DENND2A: variants seen among roughly 807,000 people sequenced by gnomAD.
DENND2A encodes DENN domain-containing protein 2A.
A neutral mutation model predicts 105.3 loss-of-function variants in DENND2A; 53 were observed. That is an observed-to-expected ratio of 0.50 (90% CI 0.40 to 0.63). DENND2A has a LOEUF of 0.63. Ranked by LOEUF, DENND2A falls within the 30% of genes least tolerant of loss-of-function variation. The pLI, the probability that DENND2A is intolerant of heterozygous loss-of-function variation, is 0.00. For missense variants in DENND2A, 1,138 were observed against 1,279.6 expected, an observed-to-expected ratio of 0.89 and a Z score of 1.69; for synonymous variants, 522 against 508.4, an observed-to-expected ratio of 1.03 and a Z score of -0.36.
chr7:140,586,366 A>AACAC (rs10524571), intron 4 of DENND2A, among the ~76,000 whole-genome samples: 1,549 of 139,602 alleles, frequency 0.011, 14 homozygotes, highest in East Asian at 0.023. Context: ...TAAAAAAGAA[A>AACAC]ACACACACAC....
intron 14 of DENND2A, among the ~76,000 whole-genome samples, chr7:140,529,090 G>A (rs1052274235): frequency 1.3e-4 from 20 of 152,320 alleles, no homozygotes; most frequent in African/African-American, 4.3e-4. Context: ...GGGTGACAGA[G>A]TGAGGCACTG....
intron 1 of DENND2A, among the ~76,000 whole-genome samples, chr7:140,623,511 C>T (rs544994500): frequency 1.3e-5 from 2 of 151,208 alleles, no homozygotes; most frequent in South Asian, 4.2e-4. Flanking sequence ...GGGCAGATTA[C>T]GAGGTCAGGA....
At position 140,605,777 on chromosome 7, in the gene DENND2A, A is replaced by T. The variant is rs1799666914; in HGVS notation, c.-218T>A. 1 of 152,182 alleles carries T rather than the reference A, an allele frequency of 6.6e-6. No individual in the cohort carries two copies. The allele number at this position is 152,182 out of a possible 1,614,324, so 9.4% of individuals were successfully genotyped here. On this transcript the variant is annotated 5_prime_UTR_variant, in exon 2 of 20. It removes an upstream start codon present in the reference 5' UTR. Coordinates refer to ENST00000496613, the MANE Select transcript of DENND2A (RefSeq NM_015689.5). ...CTTGGCCGGCCTGCACACTGTCATC[A>T]TGTCAGTACCGAGGGGAGTTCCAGG...
At position 140,544,573 on chromosome 7, in the gene DENND2A, C is replaced by T. The variant is rs372848853; in HGVS notation, c.2327+45G>A. 568 of 1,613,066 alleles carry T rather than the reference C, an allele frequency of 3.5e-4. 4 individuals carry two copies. In the South Asian group the frequency reaches 5.6e-3, roughly 16 times the overall value. ...CTCTACAGACTAGAGGGTCCAAGAGCGACTGTCATTCAAACGCTTTAGCAG... is the reference window on the plus strand; with the variant it reads ...CTCTACAGACTAGAGGGTCCAAGAGTGACTGTCATTCAAACGCTTTAGCAG... On this transcript the variant is annotated intron_variant, in intron 14 of 19. Transcript: ENST00000496613.
chr7:140,638,034 GA>G (rs1801018776), intron 1 of DENND2A, among the ~76,000 whole-genome samples: 1 of 152,140 alleles, frequency 6.6e-6, no homozygotes, highest in African/African-American at 2.4e-5. Context: ...CAGTAACGGG[GA>G]GTTTTATCTT....
At chr7:140,599,191 A>G (rs992410425) in intron 3 of DENND2A, among the ~76,000 whole-genome samples, 4 of 152,084 alleles carry the variant, frequency 2.6e-5, no homozygotes, top group African/African-American at 9.7e-5. Context: ...ACAAAAAATT[A>G]GCCAGGCGTG....
At chr7:140,544,991 C>G (rs1017708536) in intron 13 of DENND2A, 2 of 458,574 alleles carry the variant, frequency 4.4e-6, no homozygotes, top group Non-Finnish European at 5.7e-6. Context: ...GTCTCACACT[C>G]AGCTATGAGA....
intron 8 of DENND2A, among the ~76,000 whole-genome samples, 174 bp downstream of exon 8, chr7:140,568,589 C>T (rs1585653716): frequency 6.6e-6 from 1 of 152,300 alleles, no homozygotes; most frequent in African/African-American, 2.4e-5. Context: ...TTTGATCATG[C>T]CCATGACGGA....
intron 3 of DENND2A, among the ~76,000 whole-genome samples, chr7:140,594,006 G>T (rs1289167473): frequency 6.6e-6 from 1 of 151,722 alleles, no homozygotes; most frequent in Middle Eastern, 3.4e-3. Flanking sequence ...CCTGGATTCA[G>T]GCGATTCTCC....
intron 6 of DENND2A, among the ~76,000 whole-genome samples, chr7:140,573,190 C>T (rs1054793711): frequency 6.6e-6 from 1 of 152,114 alleles, no homozygotes; most frequent in Non-Finnish European, 1.5e-5. Flanking sequence ...ATCTGTTTTA[C>T]GTCAGTTTAA....
chr7:140,563,324 A>C lies in DENND2A; in HGVS notation c.1780-3507T>G, dbSNP rs551184427. Among the ~76,000 whole-genome samples the C allele has an allele frequency of 1.8e-4, 27 of 152,190 alleles. 1 individual carries two copies. Among genetic ancestry groups the C allele is most frequent in the Admixed American group, 7.9e-4 (12 of 15,274 alleles). ...CAACCTACGAGTTATCAGCGCATACATACACAGGCTCATATATGCACAGGA... is the reference window on the plus strand; with the variant it reads ...CAACCTACGAGTTATCAGCGCATACCTACACAGGCTCATATATGCACAGGA... On this transcript the variant is annotated intron_variant, in intron 9 of 19. Transcript: ENST00000496613.
intron 5 of DENND2A, among the ~76,000 whole-genome samples, chr7:140,575,602 A>G (rs1290933463): frequency 2.0e-5 from 3 of 152,218 alleles, no homozygotes; most frequent in Non-Finnish European, 4.4e-5. Flanking sequence ...CTAGATATCC[A>G]TCAATAGAGG....
chr7:140,630,886 C>T (rs1300972639), intron 1 of DENND2A, among the ~76,000 whole-genome samples: 1 of 151,712 alleles, frequency 6.6e-6, no homozygotes, highest in Admixed American at 6.6e-5. Context: ...AAACACACAA[C>T]AAAATTATAA....
At chr7:140,593,464 C>A (rs1799147626) in intron 3 of DENND2A, among the ~76,000 whole-genome samples, 1 of 152,220 alleles carries the variant, frequency 6.6e-6, no homozygotes, top group Non-Finnish European at 1.5e-5. Context: ...ACAACCAATG[C>A]CAAACACTGT....
chr7:140,563,978 C>A (rs772729774), intron 9 of DENND2A, among the ~76,000 whole-genome samples: 2 of 151,784 alleles, frequency 1.3e-5, no homozygotes, highest in Non-Finnish European at 2.9e-5. Context: ...AGACAGAGAT[C>A]CTGTCTCAAA....
intron 3 of DENND2A, among the ~76,000 whole-genome samples, chr7:140,592,334 G>A (rs1434567303): frequency 6.6e-6 from 1 of 151,794 alleles, no homozygotes; most frequent in Non-Finnish European, 1.5e-5. Flanking sequence ...AGGCTCTCGA[G>A]TAGCTGGGAC....
chr7:140,610,581 C>T (rs1388258397), intron 1 of DENND2A, among the ~76,000 whole-genome samples: 1 of 152,110 alleles, frequency 6.6e-6, no homozygotes. Context: ...TATCTCTGAA[C>T]ACACTGTTTT....
chr7:140,541,700 C>T (rs1332313192), intron 14 of DENND2A, among the ~76,000 whole-genome samples: 2 of 152,322 alleles, frequency 1.3e-5, no homozygotes, highest in South Asian at 2.1e-4. Context: ...TGGAGAGCTC[C>T]TCAGCGCCCA....
Position 140,587,669 on chromosome 7 carries a change from G to A in DENND2A, c.1107C>T (p.Val369=). 6.2e-7 allele frequency: 1 copy of A among 1,613,932 alleles called. No individual in the cohort carries two copies. Among genetic ancestry groups the A allele is most frequent in the South Asian group, 1.1e-5 (1 of 91,076 alleles). ...GCTTCTTACCTAGAATGTCTTCATA[G>A]ACGTTCTCCTCCGATAAAGTGCGTG... ...GLTRTLSEEN[V]YEDILDPPMK... Residue 369 remains valine (V), a synonymous_variant, in exon 4 of 20, where the codon GTC becomes GTT. Coordinates refer to ENST00000496613, the MANE Select transcript of DENND2A (RefSeq NM_015689.5).
Sources: gnomAD v4.1 joint callset for allele counts (sites outside exome capture counted in the v4.1 genomes callset) on GRCh38, gnomAD v4.1.1 for gene constraint, MANE v1.5 for transcripts, NCBI Gene and HGNC (gene_info 2026-07-23, HGNC 2026-07-21) for gene names.